CLTCL1: variants seen among roughly 807,000 people sequenced by gnomAD.
CLTCL1 encodes the protein clathrin heavy chain 2.
In CLTCL1, 159 loss-of-function variants were observed where a neutral mutation model predicts 190.0. That is an observed-to-expected ratio of 0.84 (90% CI 0.74 to 0.95). The LOEUF (loss-of-function observed/expected upper bound fraction) is 0.95, where lower values mean the gene tolerates loss of function less well. CLTCL1 is among the 40% of genes least tolerant of loss of function. The pLI is 0.00. For missense variants in CLTCL1, 1,878 were observed against 2,033.4 expected (o/e 0.92, Z 1.47); for synonymous variants, 752 against 769.6 (o/e 0.98, Z 0.38).
chr22:19,200,125 G>A (rs1264552333), intron 23 of CLTCL1, among the ~76,000 whole-genome samples: 4 of 152,202 alleles, frequency 2.6e-5, no homozygotes, highest in African/African-American at 9.7e-5. Flanking sequence ...GGAAAGTCAT[G>A]CTGGAATTTC....
chr22:19,212,348 C>T (rs1464879258), intron 19 of CLTCL1, among the ~76,000 whole-genome samples: 1 of 151,004 alleles, frequency 6.6e-6, no homozygotes, highest in Non-Finnish European at 1.5e-5. Flanking sequence ...GTGCTTGAAC[C>T]TCAGGGTTTG....
chr22:19,186,618 C>T (rs892417730), intron 29 of CLTCL1, among the ~76,000 whole-genome samples: 6 of 151,248 alleles, frequency 4.0e-5, no homozygotes, highest in African/African-American at 1.5e-4. Flanking sequence ...TTTTTTTTTC[C>T]GAGACAGAGT....
intron 27 of CLTCL1, among the ~76,000 whole-genome samples, chr22:19,190,590 C>T: frequency 1.4e-5 from 1 of 73,168 alleles, no homozygotes; most frequent in Non-Finnish European, 2.3e-5. Context: ...CAGAGCAAGA[C>T]TGTCTCAAAA....
chr22:19,204,104 T>C (rs879992885), intron 22 of CLTCL1, among the ~76,000 whole-genome samples: 1 of 152,216 alleles, frequency 6.6e-6, no homozygotes, highest in Non-Finnish European at 1.5e-5. Context: ...ACTCTGTTTG[T>C]AGCATAGCAG....
At chr22:19,207,108 C>G (rs2085075482) in intron 22 of CLTCL1, among the ~76,000 whole-genome samples, 1 of 148,514 alleles carries the variant, frequency 6.7e-6, no homozygotes, top group South Asian at 2.1e-4. Flanking sequence ...CCTCCATCTC[C>G]CGGATTCAAG....
intron 2 of CLTCL1, among the ~76,000 whole-genome samples, chr22:19,269,320 A>C (rs1349722090): frequency 6.6e-6 from 1 of 152,082 alleles, no homozygotes; most frequent in Non-Finnish European, 1.5e-5. Flanking sequence ...GAATCACTTG[A>C]ACCTGGGCAG....
chr22:19,244,229 A>C (rs2086349235), intron 3 of CLTCL1, among the ~76,000 whole-genome samples: 2 of 152,194 alleles, frequency 1.3e-5, no homozygotes, highest in Admixed American at 1.3e-4. Context: ...TTTGTCTTTA[A>C]AAATATTTTC....
In CLTCL1 at chr22:19,253,975, A is replaced by C. The variant is rs781860326; in HGVS notation, c.503T>G (p.Val168Gly). The change falls in exon 3 of 33, where the codon GTA (valine) becomes GGA (glycine). Residue 168 changes from valine (V) to glycine (G), a missense_variant. Val to Gly is a moderately radical substitution (Grantham distance 109, BLOSUM62 -3). Coordinates refer to ENST00000427926, the MANE Select transcript of CLTCL1 (RefSeq NM_007098.4). Reference protein sequence around the residue: ...TDEYQKWLLLVGISAQQNRVV... With the variant: ...TDEYQKWLLLGGISAQQNRVV... ...AAGGCTTACCTGAGCCGAGATGCCT[A>C]CGAGCAGCAGCCACTTCTGGTACTC... The C allele has an allele frequency of 1.2e-6, 2 of 1,612,736 alleles. No individual in the cohort carries two copies. The highest frequency in any genetic ancestry group is 1.7e-6 in the Non-Finnish European group (2 of 1,179,196).
intron 18 of CLTCL1, among the ~76,000 whole-genome samples, chr22:19,218,197 G>T (rs1209712031): frequency 6.6e-6 from 1 of 152,170 alleles, no homozygotes; most frequent in East Asian, 1.9e-4. Context: ...CGCTGGCTCC[G>T]GTATGGTGCA....
At chr22:19,252,553 T>G (rs1555970470) in intron 3 of CLTCL1, among the ~76,000 whole-genome samples, 1 of 152,204 alleles carries the variant, frequency 6.6e-6, no homozygotes. Flanking sequence ...AGTATTCTCT[T>G]CAAACATGTG....
intron 13 of CLTCL1, 57 bp downstream of exon 13, chr22:19,225,396 A>G: frequency 6.7e-7 from 1 of 1,482,736 alleles, no homozygotes; most frequent in Non-Finnish European, 9.0e-7. Flanking sequence ...AGGCAGCAAC[A>G]CCTGAGAAAG....
chr22:19,248,473 G>A (rs2086489696), intron 3 of CLTCL1, among the ~76,000 whole-genome samples: 1 of 152,070 alleles, frequency 6.6e-6, no homozygotes, highest in Admixed American at 6.6e-5. Flanking sequence ...TATACTCAGA[G>A]GGCTGTGCAA....
chr22:19,183,831 A>C, intron 29 of CLTCL1: 1 of 569,050 alleles, frequency 1.8e-6, no homozygotes, highest in Non-Finnish European at 3.1e-6. Context: ...CAGGTGGCTC[A>C]CGGAGGCGCA....
intron 22 of CLTCL1, among the ~76,000 whole-genome samples, chr22:19,205,065 A>C (rs2085008122): frequency 6.7e-6 from 1 of 149,510 alleles, no homozygotes. Context: ...TATAAGGGCA[A>C]TTTCTAAAGT....
intron 19 of CLTCL1, among the ~76,000 whole-genome samples, chr22:19,214,910 G>C (rs574389594): frequency 6.6e-6 from 1 of 152,120 alleles, no homozygotes; most frequent in Non-Finnish European, 1.5e-5. Flanking sequence ...CAAACTCCTG[G>C]CCTCCCAAAG....
chr22:19,196,327 G>T lies in CLTCL1; in HGVS notation c.4130C>A (p.Thr1377Asn). The T allele has an allele frequency of 1.2e-6, 2 of 1,613,966 alleles. No individual in the cohort carries two copies. Among genetic ancestry groups the T allele is most frequent in the Non-Finnish European group, 1.7e-6 (2 of 1,179,876 alleles). The stretch of plus-strand genomic sequence containing the variant: ...GGCCTCAGTGGGGTGGCTCATCATG[G>T]TGAGCACAGCATTGTCATACTCCTC... ...KYEEYDNAVL[T>N]MMSHPTEAWK... Residue 1377 changes from threonine (T) to asparagine (N), a missense_variant, in exon 26 of 33, where the codon ACC becomes AAC. Coordinates refer to ENST00000427926, the MANE Select transcript of CLTCL1 (RefSeq NM_007098.4).
chr22:19,286,985 T>C (rs2087929668), intron 1 of CLTCL1, among the ~76,000 whole-genome samples: 1 of 152,190 alleles, frequency 6.6e-6, no homozygotes, highest in African/African-American at 2.4e-5. Flanking sequence ...ACGTTTTCTG[T>C]GTATTGAGCT....
At position 19,221,844 on chromosome 22, in the gene CLTCL1, T is replaced by C. The variant is rs551888081; in HGVS notation, c.2561+107A>G. Reference sequence around the variant, plus strand: ...GTAACTCATTGCTACATCTAAGATGTGTACATGAACGACCAGCTATAGAGA... The same window carrying C: ...GTAACTCATTGCTACATCTAAGATGCGTACATGAACGACCAGCTATAGAGA... On this transcript the variant is annotated intron_variant, in intron 16 of 32. Coordinates refer to ENST00000427926, the MANE Select transcript of CLTCL1 (RefSeq NM_007098.4). 6.1e-4 allele frequency: 773 copies of C among 1,264,870 alleles called. 2 individuals carry two copies. The highest frequency in any genetic ancestry group is 6.0e-4 in the Admixed American group (27 of 45,084). 78.4% of individuals were successfully genotyped at this position (1,264,870 alleles called of 1,614,324 possible). A position where few individuals can be genotyped will look rare whatever the true frequency, so the allele number is the denominator to read the frequency against.
intron 18 of CLTCL1, among the ~76,000 whole-genome samples, chr22:19,219,090 C>A (rs1322598677): frequency 6.6e-6 from 1 of 152,168 alleles, no homozygotes; most frequent in Non-Finnish European, 1.5e-5. Context: ...TCAGCTTACC[C>A]TGGGGAATCA....
Sources: allele counts gnomAD v4.1 joint callset (sites outside exome capture counted in the v4.1 genomes callset), GRCh38; gene constraint gnomAD v4.1.1; transcripts MANE v1.5; gene names NCBI Gene and HGNC (gene_info 2026-07-23, HGNC 2026-07-21).